CHN2: variants seen among roughly 807,000 people sequenced by gnomAD.
CHN2 encodes the protein beta-chimaerin.
A neutral mutation model predicts 56.3 loss-of-function variants in CHN2; 35 were observed. That is an observed-to-expected ratio of 0.62 (90% CI 0.47 to 0.82). The LOEUF is 0.82. Among genes scored for constraint, CHN2 ranks in the 40% least tolerant of loss-of-function variants. The probability of loss-of-function intolerance (pLI) is 0.00; values close to 1 mark genes in which losing one functional copy is unlikely to be tolerated. For missense variants in CHN2, 491 were observed against 580.5 expected, an observed-to-expected ratio of 0.85 and a Z score of 1.58; for synonymous variants, 210 against 212.8, an observed-to-expected ratio of 0.99 and a Z score of 0.12.
chr7:29,248,615 C>T lies in CHN2; in HGVS notation c.49+53625C>T, dbSNP rs530530963. Among the ~76,000 whole-genome samples the T allele has an allele frequency of 2.0e-5, 3 of 152,312 alleles. No individual in the cohort carries two copies. The East Asian group carries it at 5.8e-4, about 29-fold the overall frequency. ...ATCCGCAGAGCTCTGGTGGTTCCCTCCCTCTTAAGCCTGGCATTTCAAGGC... is the reference window on the plus strand; with the variant it reads ...ATCCGCAGAGCTCTGGTGGTTCCCTTCCTCTTAAGCCTGGCATTTCAAGGC... On this transcript the variant is annotated intron_variant, in intron 1 of 12. Transcript: ENST00000222792.
chr7:29,409,816 G>A (rs1803030580), intron 6 of CHN2, among the ~76,000 whole-genome samples: 1 of 152,230 alleles, frequency 6.6e-6, no homozygotes, highest in Non-Finnish European at 1.5e-5. Context: ...ACAGTTTGAT[G>A]AAGAGCCCAG....
chr7:29,194,994 A>G lies in CHN2; in HGVS notation c.49+4A>G. On this transcript the variant is annotated splice_donor_region_variant and intron_variant, in intron 1 of 12. Transcript: ENST00000222792. Reference sequence around the variant, plus strand: ...TCCGGCTCGTCGGTGTCCTCCGGTGAGTTTCAGCCCGTCGGGCGCTGCTGC... The same window carrying G: ...TCCGGCTCGTCGGTGTCCTCCGGTGGGTTTCAGCCCGTCGGGCGCTGCTGC... 6.3e-7 allele frequency: 1 copy of G among 1,585,220 alleles called. No homozygotes were observed. Among genetic ancestry groups the G allele is most frequent in the Admixed American group, 1.8e-5 (1 of 56,812 alleles).
intron 2 of CHN2, among the ~76,000 whole-genome samples, chr7:29,175,725 T>C (rs1180962683): frequency 6.6e-6 from 1 of 151,738 alleles, no homozygotes; most frequent in Non-Finnish European, 1.5e-5. Flanking sequence ...TAGTAGAAGA[T>C]AAGTTACCCA....
intron 2 of CHN2, chr7:29,147,119 C>A: frequency 2.1e-6 from 2 of 957,360 alleles, no homozygotes; most frequent in Non-Finnish European, 3.1e-6. Flanking sequence ...GGTCACATTG[C>A]TTGTAAGTGA....
Position 29,160,062 on chromosome 7 carries a change from TAA to T in CHN2, c.274+13105_274+13106del, listed in dbSNP as rs1794969320. ...AATCTTCATTATTATCTTGCCTCAC[TAA>T]AAGTTAAACATTGTGTCCTTCTGGC... On this transcript the variant is annotated intron_variant, in intron 2 of 6. Coordinates refer to the CHN2 transcript ENST00000439384. Among the ~76,000 whole-genome samples, 4 of 152,316 alleles carry T rather than the reference TAA, an allele frequency of 2.6e-5. No individual in the cohort carries two copies. The South Asian group carries it at 8.3e-4, about 32-fold the overall frequency.
intron 1 of CHN2, among the ~76,000 whole-genome samples, chr7:29,223,604 A>G (rs530081441): frequency 2.4e-4 from 37 of 152,226 alleles, no homozygotes; most frequent in African/African-American, 8.9e-4. Flanking sequence ...CCTGTGGTTC[A>G]TTCTTTTTTA....
At chr7:29,308,462 GGT>G (rs10609046) in intron 1 of CHN2, among the ~76,000 whole-genome samples, 137,121 of 151,246 alleles carry the variant, frequency 0.91, 62,368 homozygotes, top group East Asian at 0.99. Flanking sequence ...AGGTGGTTGG[GGT>G]GTGTGTGTGT....
chr7:29,441,767 T>TA (rs1423086031), intron 6 of CHN2, among the ~76,000 whole-genome samples: 6 of 152,144 alleles, frequency 3.9e-5, no homozygotes, highest in Admixed American at 6.5e-5. Context: ...AATTTTTTTT[T>TA]AAAAAAAGGA....
At chr7:29,426,206 C>CAAAAAAAAAAA (rs10630481) in intron 6 of CHN2, among the ~76,000 whole-genome samples, 1 of 83,900 alleles carries the variant, frequency 1.2e-5, no homozygotes, top group Non-Finnish European at 2.3e-5. Flanking sequence ...GACTCTGTCT[C>CAAAAAAAAAAA]AAAAAAAAAA....
intron 6 of CHN2, among the ~76,000 whole-genome samples, chr7:29,406,662 G>A (rs994844568): frequency 2.9e-4 from 44 of 152,024 alleles, no homozygotes; most frequent in African/African-American, 9.9e-4. Context: ...CATGGCCCTC[G>A]GGAACCAGCA....
chr7:29,452,191 C>T (rs1279150434), intron 6 of CHN2, among the ~76,000 whole-genome samples: 2 of 152,204 alleles, frequency 1.3e-5, no homozygotes, highest in Non-Finnish European at 2.9e-5. Flanking sequence ...CGTTTGGATC[C>T]AACTTCATTT....
chr7:29,446,683 C>G (rs948803733), intron 6 of CHN2, among the ~76,000 whole-genome samples: 1 of 152,180 alleles, frequency 6.6e-6, no homozygotes, highest in Admixed American at 6.5e-5. Context: ...TGTTAGGGGT[C>G]TCCCTGGAGT....
intron 1 of CHN2, among the ~76,000 whole-genome samples, chr7:29,275,899 A>G (rs896299413): frequency 1.3e-5 from 2 of 152,134 alleles, no homozygotes; most frequent in Non-Finnish European, 2.9e-5. Flanking sequence ...AGGTGACAGA[A>G]TTAGATTTTT....
rs189873954 is a variant in CHN2, at chr7:29,486,299, C to T, written c.654+5943C>T. Among the ~76,000 whole-genome samples, 3 of 152,284 alleles carry T rather than the reference C, an allele frequency of 2.0e-5. No homozygotes were observed. The East Asian group carries it at 5.8e-4, about 29-fold the overall frequency. On this transcript the variant is annotated intron_variant, in intron 7 of 12. Transcript: ENST00000222792. ...CCGTATCTCCCTACAGTTGAGCTTT[C>T]GGAGCCCTCTCCTCACTCCCTGCCC...
chr7:29,243,664 A>G (rs528400447), intron 1 of CHN2, among the ~76,000 whole-genome samples: 1 of 152,340 alleles, frequency 6.6e-6, no homozygotes, highest in East Asian at 1.9e-4. Context: ...ATTTGCAGGT[A>G]GGTGCTCATC....
intron 6 of CHN2, among the ~76,000 whole-genome samples, chr7:29,405,164 T>TACACAC (rs57823678): frequency 0.058 from 6,056 of 104,968 alleles, 727 homozygotes; most frequent in Non-Finnish European, 0.072. Flanking sequence ...TATGTCACCA[T>TACACAC]ACACACACAC....
Position 29,514,060 on chromosome 7 carries a change from C to G in CHN2, c.*1325C>G, listed in dbSNP as rs376350540. On this transcript the variant is annotated 3_prime_UTR_variant, in exon 13 of 13. Coordinates refer to ENST00000222792, the MANE Select transcript of CHN2 (RefSeq NM_004067.4). ...TGAGCAGAAGAGAATGACTATTTTA[C>G]GTGGAGCATCATTGTGTGACTGTTG... 1 of 152,638 alleles carries G rather than the reference C, an allele frequency of 6.6e-6. No individual in the cohort carries two copies. The highest frequency in any genetic ancestry group is 1.5e-5 in the Non-Finnish European group (1 of 68,036). The allele number at this position is 152,638 out of a possible 1,614,324, so 9.5% of individuals were successfully genotyped here.
At chr7:29,246,582 A>G (rs537662268) in intron 1 of CHN2, among the ~76,000 whole-genome samples, 1 of 152,346 alleles carries the variant, frequency 6.6e-6, no homozygotes, top group East Asian at 1.9e-4. Flanking sequence ...AAAGGTAAAC[A>G]AGGCACATCC....
intron 6 of CHN2, among the ~76,000 whole-genome samples, chr7:29,441,303 C>A (rs1472100695): frequency 6.6e-6 from 1 of 152,170 alleles, no homozygotes; most frequent in Non-Finnish European, 1.5e-5. Flanking sequence ...TCTACATGAA[C>A]TAACTCAAAA....
Sources: gnomAD v4.1 joint callset for allele counts (sites outside exome capture counted in the v4.1 genomes callset) on GRCh38, gnomAD v4.1.1 for gene constraint, MANE v1.5 for transcripts, NCBI Gene and HGNC (gene_info 2026-07-23, HGNC 2026-07-21) for gene names.